VHL: variants seen among roughly 807,000 people sequenced by gnomAD.
VHL encodes von Hippel-Lindau disease tumor suppressor.
A neutral mutation model predicts 19.2 loss-of-function variants in VHL; 10 were observed. The ratio of observed to expected loss-of-function variants is 0.52; its 90% CI spans 0.32 to 0.89. The LOEUF (loss-of-function observed/expected upper bound fraction) is 0.89, where lower values mean the gene tolerates loss of function less well. Among genes scored for constraint, VHL ranks in the 40% least tolerant of loss-of-function variants. The pLI is 0.03. For synonymous variants in VHL, 167 were observed against 129.5 expected, an observed-to-expected ratio of 1.29 and a Z score of -1.97; for missense variants, 328 against 292.7, an observed-to-expected ratio of 1.12 and a Z score of -0.88.
Position 10,142,044 on chromosome 3 carries a change from T to G in VHL, c.197T>G (p.Val66Gly), listed in dbSNP as rs2125124970. 1 of 1,603,632 alleles carries G rather than the reference T, an allele frequency of 6.2e-7. No homozygotes were observed. The highest frequency in any genetic ancestry group is 8.5e-7 in the Non-Finnish European group (1 of 1,177,052). Residue 66 changes from valine (V) to glycine (G), a missense_variant, in exon 1 of 3, where the codon GTG (valine) becomes GGG (glycine). Transcript: ENST00000256474. ...CGGCCGCGGCCCGTGCTGCGCTCGG[T>G]GAACTCGCGCGAGCCCTCCCAGGTC... ...AGRPRPVLRS[V>G]NSREPSQVIF...
chr3:10,145,206 A>G (rs1696226155), intron 1 of VHL, among the ~76,000 whole-genome samples: 1 of 152,140 alleles, frequency 6.6e-6, no homozygotes, highest in African/African-American at 2.4e-5. Flanking sequence ...AATAATAAAT[A>G]AAATGGTAAC....
rs35240911 is a variant in VHL, at chr3:10,150,388, T to G, written c.*423T>G. ...GTTGGTGACTTGTCTGCCTCCTGCT[T>G]TGGGAAGACTGAGGCATCCGTGAGG... On this transcript the variant is annotated 3_prime_UTR_variant, in exon 3 of 3. Coordinates refer to ENST00000256474, the MANE Select transcript of VHL (RefSeq NM_000551.4). 1.1e-4 allele frequency: 138 copies of G among 1,214,380 alleles called. No individual in the cohort carries two copies. The highest frequency in any genetic ancestry group is 3.3e-4 in the Admixed American group (8 of 24,364). 75.2% of individuals were successfully genotyped at this position (1,214,380 alleles called of 1,614,324 possible). A position where few individuals can be genotyped will look rare whatever the true frequency, so the allele number is the denominator to read the frequency against.
In VHL at chr3:10,150,884, T is replaced by C. The variant is rs753752204; in HGVS notation, c.*919T>C. On this transcript the variant is annotated 3_prime_UTR_variant, in exon 3 of 3. Coordinates refer to ENST00000256474, the MANE Select transcript of VHL (RefSeq NM_000551.4). ...TGATTGATTTGGGTTTTTTTGTTGT[T>C]GTTGTTTTGTTTTGTTTTGTTTTTT... 4.4e-6 allele frequency: 1 copy of C among 225,494 alleles called. No homozygotes were observed. Among genetic ancestry groups the C allele is most frequent in the Non-Finnish European group, 8.8e-6 (1 of 113,174 alleles). 14.0% of individuals were successfully genotyped at this position (225,494 alleles called of 1,614,324 possible).
rs2125128440 is a variant in VHL, at chr3:10,146,604, G to A, written c.431G>A (p.Gly144Glu). ...ELFVPSLNVD[G>E]QPIFANITLP... ...TTTGTGCCATCTCTCAATGTTGACGGACAGCCTATTTTTGCCAATATCACA... is the reference window on the plus strand; with the variant it reads ...TTTGTGCCATCTCTCAATGTTGACGAACAGCCTATTTTTGCCAATATCACA... The change falls in exon 2 of 3, where the codon GGA becomes GAA. Residue 144 changes from glycine to glutamate, a missense_variant. By Grantham distance (98) the Gly-to-Glu change is moderately conservative. Coordinates refer to ENST00000256474, the MANE Select transcript of VHL (RefSeq NM_000551.4). The A allele has an allele frequency of 1.9e-6, 3 of 1,614,002 alleles. No individual in the cohort carries two copies. The highest frequency in any genetic ancestry group is 2.5e-6 in the Non-Finnish European group (3 of 1,179,928).
rs369465430 is a variant in VHL at position 10,146,593 on chromosome 3, C to T, written c.420C>T (p.Leu140=). ...VNQTELFVPS[L]NVDGQPIFAN... ...AAACTGAATTATTTGTGCCATCTCT[C>T]AATGTTGACGGACAGCCTATTTTTG... is the stretch of plus-strand genomic sequence containing the variant. Residue 140 remains leucine, a synonymous_variant, in exon 2 of 3, where the codon CTC becomes CTT. Transcript: ENST00000256474. The T allele has an allele frequency of 3.1e-6, 5 of 1,614,004 alleles. No individual in the cohort carries two copies. The highest frequency in any genetic ancestry group is 4.2e-6 in the Non-Finnish European group (5 of 1,179,938).
At chr3:10,142,614 G>A (rs1392050755) in intron 1 of VHL, 1 of 201,880 alleles carries the variant, frequency 5.0e-6, no homozygotes, top group Non-Finnish European at 1.0e-5. Context: ...AAAGTGCTGG[G>A]CTTATGGGCA....
At position 10,149,924 on chromosome 3, in the gene VHL, C is replaced by T. The variant is rs786201557; in HGVS notation, c.601C>T (p.Leu201=). 1.2e-6 allele frequency: 2 copies of T among 1,614,182 alleles called. No individual in the cohort carries two copies. Among genetic ancestry groups the T allele is most frequent in the South Asian group, 1.1e-5 (1 of 91,088 alleles). The change falls in exon 3 of 3, where the codon CTG becomes TTG. Residue 201 remains leucine (L), a synonymous_variant. Transcript: ENST00000256474. ...AAATGTGCAGAAAGACCTGGAGCGG[C>T]TGACACAGGAGCGCATTGCACATCA... The part of the protein sequence containing the change: ...HPNVQKDLER[L]TQERIAHQRM...
rs1437383284 is a variant in VHL, at chr3:10,150,081, A to G, written c.*116A>G. 4 of 1,540,966 alleles carry G rather than the reference A, an allele frequency of 2.6e-6. No individual in the cohort carries two copies. In the African/African-American group the frequency reaches 5.5e-5, roughly 21 times the overall value. The stretch of plus-strand genomic sequence containing the variant: ...TTTCAAAGTGTCTCATTCTCAGAGT[A>G]AAATAGGCACCATTGCTTAAAAGAA... On this transcript the variant is annotated 3_prime_UTR_variant, in exon 3 of 3. Transcript: ENST00000256474.
rs146851054 is a variant in VHL at position 10,144,119 on chromosome 3, A to C, written c.340+1932A>C. Among the ~76,000 whole-genome samples, 617 of 152,184 alleles carry C rather than the reference A, an allele frequency of 4.1e-3. 16 individuals carry two copies. The South Asian group carries it at 0.058, about 14-fold the overall frequency. The stretch of plus-strand genomic sequence containing the variant: ...TGTAGGCTCCTATTTTATATAGGAA[A>C]TTGTATGAATTTTGTATTTTACTCC... On this transcript the variant is annotated intron_variant, in intron 1 of 2. Coordinates refer to ENST00000256474, the MANE Select transcript of VHL (RefSeq NM_000551.4).
Position 10,151,642 on chromosome 3 carries a change from C to T in VHL, c.*1677C>T, listed in dbSNP as rs886057723. 2.8e-5 allele frequency: 6 copies of T among 217,852 alleles called. No homozygotes were observed. Among genetic ancestry groups the T allele is most frequent in the African/African-American group, 1.3e-4 (6 of 44,490 alleles). 13.5% of individuals were successfully genotyped at this position (217,852 alleles called of 1,614,324 possible). A position where few individuals can be genotyped will look rare whatever the true frequency, so the allele number is the denominator to read the frequency against. ...ATTTAACTTTATAACTTAAATATTG[C>T]TCTATGTTAGTATAAGCTTTTCACA... On this transcript the variant is annotated 3_prime_UTR_variant, in exon 3 of 3. Coordinates refer to ENST00000256474, the MANE Select transcript of VHL (RefSeq NM_000551.4).
rs1696460069 is a variant in VHL, at chr3:10,153,223, AG to A, written c.*3259del. Among the ~76,000 whole-genome samples, 3 of 152,162 alleles carry A rather than the reference AG, an allele frequency of 2.0e-5. No individual in the cohort carries two copies. In the Middle Eastern group the frequency reaches 0.01, roughly 518 times the overall value. ...AACCTGGAAGGCGGAGCTTGCAGTG[AG>A]CTGAGATGGTGCCACTGCACTCTAA... On this transcript the variant is annotated 3_prime_UTR_variant, in exon 3 of 3. Transcript: ENST00000256474.
Position 10,150,065 on chromosome 3 carries a change from G to A in VHL, c.*100G>A. The A allele has an allele frequency of 2.6e-6, 4 of 1,548,256 alleles. No individual in the cohort carries two copies. The highest frequency in any genetic ancestry group is 2.4e-5 in the East Asian group (1 of 41,002). ...CTGGTTCCTTCCTTAGTTTCAAAGT[G>A]TCTCATTCTCAGAGTAAAATAGGCA... On this transcript the variant is annotated 3_prime_UTR_variant, in exon 3 of 3. Transcript: ENST00000256474.
Position 10,141,897 on chromosome 3 carries a change from A to C in VHL, c.50A>C (p.Glu17Ala). ...GACGAGGCCGAGGTAGGCGCGGAGG[A>C]GGCAGGCGTCGAAGAGTACGGCCCT... ...NWDEAEVGAE[E>A]AGVEEYGPEE... Residue 17 changes from glutamate (E) to alanine (A), a missense_variant, in exon 1 of 3, where the codon GAG becomes GCG. Coordinates refer to ENST00000256474, the MANE Select transcript of VHL (RefSeq NM_000551.4). The C allele has an allele frequency of 6.5e-7, 1 of 1,532,496 alleles. No individual in the cohort carries two copies. Among genetic ancestry groups the C allele is most frequent in the Non-Finnish European group, 8.8e-7 (1 of 1,137,316 alleles). The allele number at this position is 1,532,496 out of a possible 1,614,324, so 94.9% of individuals were successfully genotyped here. A position where few individuals can be genotyped will look rare whatever the true frequency, so the allele number is the denominator to read the frequency against.
chr3:10,144,755 A>AT (rs1453228556), intron 1 of VHL, among the ~76,000 whole-genome samples: 8 of 151,234 alleles, frequency 5.3e-5, no homozygotes, highest in Admixed American at 5.3e-4. Context: ...TCTCTTTTTT[A>AT]TTTTTTTAAA....
At position 10,150,197 on chromosome 3, in the gene VHL, G is replaced by A; in HGVS notation, c.*232G>A. 1.4e-6 allele frequency: 2 copies of A among 1,382,184 alleles called. No individual in the cohort carries two copies. The highest frequency in any genetic ancestry group is 1.9e-6 in the Non-Finnish European group (2 of 1,065,896). 85.6% of individuals were successfully genotyped at this position (1,382,184 alleles called of 1,614,324 possible). A position where few individuals can be genotyped will look rare whatever the true frequency, so the allele number is the denominator to read the frequency against. On this transcript the variant is annotated 3_prime_UTR_variant, in exon 3 of 3. Coordinates refer to ENST00000256474, the MANE Select transcript of VHL (RefSeq NM_000551.4). The stretch of plus-strand genomic sequence containing the variant: ...CTGCCCATTAGAGAAGTATTTATCA[G>A]GAGAAGGTGGTGGCATTTTTGCTTC...
intron 1 of VHL, among the ~76,000 whole-genome samples, chr3:10,145,494 A>G (rs1286233462): frequency 6.6e-6 from 1 of 152,042 alleles, no homozygotes. Context: ...TCATAAGATC[A>G]GGAGATTGAG....
At chr3:10,147,121 C>T (rs1294920825) in intron 2 of VHL, among the ~76,000 whole-genome samples, 2 of 151,982 alleles carry the variant, frequency 1.3e-5, no homozygotes, top group Non-Finnish European at 2.9e-5. Context: ...CAGTGATTCT[C>T]TTGTCTCAGC....
At chr3:10,145,938 G>C (rs1368926129) in intron 1 of VHL, among the ~76,000 whole-genome samples, 1 of 152,086 alleles carries the variant, frequency 6.6e-6, no homozygotes, top group East Asian at 1.9e-4. Context: ...GTAGCAGAAA[G>C]GGCATGGGAT....
chr3:10,145,487 T>C (rs374645), intron 1 of VHL, among the ~76,000 whole-genome samples: 143,233 of 152,042 alleles, frequency 0.94, 67,591 homozygotes, highest in East Asian at 1. Context: ...GGGCGGATCA[T>C]AAGATCAGGA....
Sources: allele counts gnomAD v4.1 joint callset (sites outside exome capture counted in the v4.1 genomes callset), GRCh38; gene constraint gnomAD v4.1.1; transcripts MANE v1.5; gene names NCBI Gene and HGNC (gene_info 2026-07-23, HGNC 2026-07-21).